CRELD2: variants seen among roughly 807,000 people sequenced by gnomAD.
The protein encoded by CRELD2 is CRELD disulfide isomerase 2.
CRELD2 carries 33 observed loss-of-function variants against 48.1 expected under a neutral mutation model. The ratio of observed to expected loss-of-function variants is 0.69; its 90% CI spans 0.52 to 0.92. The LOEUF is 0.92. Ranked by LOEUF, CRELD2 falls within the 40% of genes least tolerant of loss-of-function variation. The pLI is 0.00. For missense variants in CRELD2, 477 were observed against 482.4 expected (o/e 0.99, Z 0.10); for synonymous variants, 220 against 203.9 (o/e 1.08, Z -0.67).
At chr22:49,921,084 G>A (rs994586644) in intron 4 of CRELD2, among the ~76,000 whole-genome samples, 2 of 152,202 alleles carry the variant, frequency 1.3e-5, no homozygotes, top group Admixed American at 6.5e-5. Flanking sequence ...CACGCCACAC[G>A]CCTAGATGGT....
intron 6 of CRELD2, 134 bp downstream of exon 6, chr22:49,922,841 G>C (rs1404395914): frequency 1.3e-5 from 2 of 154,346 alleles, no homozygotes; most frequent in Non-Finnish European, 2.5e-5. Flanking sequence ...GGCGTGAGGT[G>C]GGGGCGTGAG....
rs1802519771 is a variant in CRELD2 at position 49,922,688 on chromosome 22, G to A, written c.669G>A (p.Leu223=). ...DCGECEVGWV[L]DEGACVDVDE... The stretch of plus-strand genomic sequence containing the variant: ...GCGAGTGTGAAGTGGGCTGGGTGCT[G>A]GACGAGGGCGCCTGTGTGGGTGAGG... The change falls in exon 6 of 10, where the codon CTG becomes CTA. Residue 223 remains leucine, a synonymous_variant. Coordinates refer to ENST00000328268, the MANE Select transcript of CRELD2 (RefSeq NM_024324.5). 1 of 1,549,844 alleles carries A rather than the reference G, an allele frequency of 6.5e-7. No homozygotes were observed. The highest frequency in any genetic ancestry group is 8.7e-7 in the Non-Finnish European group (1 of 1,150,018).
At position 49,924,859 on chromosome 22, in the gene CRELD2, G is replaced by C. The variant is rs538362599; in HGVS notation, c.868+404G>C. 2.5e-3 allele frequency: 431 copies of C among 171,934 alleles called. 1 individual carries two copies. Among genetic ancestry groups the C allele is most frequent in the Non-Finnish European group, 3.7e-3 (293 of 79,646 alleles). 10.7% of individuals were successfully genotyped at this position (171,934 alleles called of 1,614,324 possible). ...GAGAAAGTGGGTTTCCTGGGCAGGC[G>C]CCATGGTTCATGCCTGTAATCCAGC... On this transcript the variant is annotated intron_variant, in intron 8 of 9. Transcript: ENST00000328268.
intron 4 of CRELD2, among the ~76,000 whole-genome samples, 156 bp downstream of exon 4, chr22:49,920,403 C>T (rs542222480): frequency 4.6e-5 from 7 of 152,344 alleles, no homozygotes; most frequent in Non-Finnish European, 8.8e-5. Context: ...ATCCCCAACA[C>T]AGCTTGGAGC....
In CRELD2 at chr22:49,922,653, A is replaced by G. The variant is rs202024363; in HGVS notation, c.634A>G (p.Arg212Gly). 336 of 1,570,272 alleles carry G rather than the reference A, an allele frequency of 2.1e-4. No homozygotes were observed. The highest frequency in any genetic ancestry group is 2.5e-4 in the Non-Finnish European group (286 of 1,158,646). ...CAAGACGTGCTCGGGCCTGACCAACAGAGACTGCGGCGAGTGTGAAGTGGG... is the reference window on the plus strand; with the variant it reads ...CAAGACGTGCTCGGGCCTGACCAACGGAGACTGCGGCGAGTGTGAAGTGGG... ...SCKTCSGLTN[R>G]DCGECEVGWV... Residue 212 changes from arginine (R) to glycine (G), a missense_variant, in exon 6 of 10, where the codon AGA becomes GGA. Transcript: ENST00000328268.
chr22:49,922,646 G>T lies in CRELD2; in HGVS notation c.627G>T (p.Leu209=). The T allele has an allele frequency of 6.4e-7, 1 of 1,571,862 alleles. No individual in the cohort carries two copies. Among genetic ancestry groups the T allele is most frequent in the Non-Finnish European group, 8.6e-7 (1 of 1,158,526 alleles). Residue 209 remains leucine (L), a synonymous_variant, in exon 6 of 10, where the codon CTG becomes CTT. Transcript: ENST00000328268. The stretch of plus-strand genomic sequence containing the variant: ...AGTCCTGCAAGACGTGCTCGGGCCT[G>T]ACCAACAGAGACTGCGGCGAGTGTG... ...CDESCKTCSG[L]TNRDCGECEV...
At chr22:49,925,113 A>G (rs1046661823) in intron 8 of CRELD2, 8 of 207,072 alleles carry the variant, frequency 3.9e-5, no homozygotes, top group Non-Finnish European at 5.9e-5. Flanking sequence ...CCTGGGCGAC[A>G]GAGCGAGACT....
intron 5 of CRELD2, 139 bp downstream of exon 5, chr22:49,921,900 G>A: frequency 1.2e-6 from 1 of 854,524 alleles, no homozygotes; most frequent in Non-Finnish European, 1.8e-6. Flanking sequence ...GGGCCCAGAA[G>A]GATGAATGAA....
At chr22:49,925,662 A>G in intron 9 of CRELD2, 105 bp downstream of exon 9, 1 of 1,562,100 alleles carries the variant, frequency 6.4e-7, no homozygotes, top group Non-Finnish European at 8.6e-7. Context: ...GGTGGCCTTG[A>G]GATGGTGAGA....
intron 4 of CRELD2, among the ~76,000 whole-genome samples, chr22:49,921,002 C>A (rs958272714): frequency 6.6e-6 from 1 of 152,244 alleles, no homozygotes; most frequent in Admixed American, 6.5e-5. Flanking sequence ...AACGACCAGG[C>A]GTGTTCTGAG....
chr22:49,924,719 C>A, intron 8 of CRELD2: 1 of 292,452 alleles, frequency 3.4e-6, no homozygotes, highest in Non-Finnish European at 6.6e-6. Flanking sequence ...TTCCCCAGGT[C>A]CACCGCCTCT....
rs759098096 is a variant in CRELD2, at chr22:49,922,619, C to T, written c.600C>T (p.Asp200=). The part of the protein sequence containing the change: ...NETHSICTAC[D]ESCKTCSGLT... ...CCCGCCTTTGCCTTCCAGCCTGTGA[C>T]GAGTCCTGCAAGACGTGCTCGGGCC... Residue 200 remains aspartate, a synonymous_variant, in exon 6 of 10, where the codon GAC becomes GAT. Coordinates refer to ENST00000328268, the MANE Select transcript of CRELD2 (RefSeq NM_024324.5). 35 of 1,556,164 alleles carry T rather than the reference C, an allele frequency of 2.2e-5. No individual in the cohort carries two copies. Among genetic ancestry groups the T allele is most frequent in the South Asian group, 7.0e-5 (6 of 85,118 alleles).
At position 49,924,300 on chromosome 22, in the gene CRELD2, G is replaced by T. The variant is rs182162003; in HGVS notation, c.773-60G>T. On this transcript the variant is annotated intron_variant, in intron 7 of 9. Coordinates refer to ENST00000328268, the MANE Select transcript of CRELD2 (RefSeq NM_024324.5). Reference sequence around the variant, plus strand: ...GGCACCGGTGCCTTGTGCATGTCGGGGTCTGACGGGCACTGGTGCCTTGTG... The same window carrying T: ...GGCACCGGTGCCTTGTGCATGTCGGTGTCTGACGGGCACTGGTGCCTTGTG... 86 of 1,257,590 alleles carry T rather than the reference G, an allele frequency of 6.8e-5. 1 individual carries two copies. The East Asian group carries it at 1.7e-3, about 25-fold the overall frequency. The allele number at this position is 1,257,590 out of a possible 1,614,324, so 77.9% of individuals were successfully genotyped here.
At chr22:49,922,190 C>T (rs2060694992) in intron 5 of CRELD2, 3 of 1,269,522 alleles carry the variant, frequency 2.4e-6, no homozygotes, top group Non-Finnish European at 3.2e-6. Context: ...CTGAGTGTCT[C>T]GGACGTGAGT....
At chr22:49,924,563 C>T (rs558611513) in intron 8 of CRELD2, 108 bp downstream of exon 8, 1 of 760,634 alleles carries the variant, frequency 1.3e-6, no homozygotes, top group South Asian at 1.8e-5. Context: ...GAGACCCGTC[C>T]TGCAGACGTG....
At chr22:49,922,491 C>G (rs373829648) in intron 5 of CRELD2, 121 bp from the exon 6 acceptor site, 1 of 1,525,084 alleles carries the variant, frequency 6.6e-7, no homozygotes, top group Non-Finnish European at 8.9e-7. Context: ...ATTTTAAATT[C>G]ATGGGCACTG....
At chr22:49,919,005 G>A in intron 1 of CRELD2, 107 bp downstream of exon 1, 1 of 1,024,960 alleles carries the variant, frequency 9.8e-7, no homozygotes, top group Non-Finnish European at 1.4e-6. Context: ...CCCTGGATCC[G>A]GGGTCCCCCT....
chr22:49,926,406 A>G (rs2060764338), intron 9 of CRELD2: 1 of 152,254 alleles, frequency 6.6e-6, no homozygotes, highest in East Asian at 1.9e-4. Flanking sequence ...GGTTTTTCAG[A>G]ATGAATAAGG....
rs141565628 is a variant in CRELD2 at position 49,924,754 on chromosome 22, C to T, written c.868+299C>T. On this transcript the variant is annotated intron_variant, in intron 8 of 9. Transcript: ENST00000328268. ...TGCTCTCCCTCCAGCTCCTGGGTGG[C>T]GATTGCCCCGAGGCTTAAGTCCAGG... 1,270 of 244,584 alleles carry T rather than the reference C, an allele frequency of 5.2e-3. 8 individuals are homozygous for T. The highest frequency in any genetic ancestry group is 0.012 in the South Asian group (220 of 17,878). 15.2% of individuals were successfully genotyped at this position (244,584 alleles called of 1,614,324 possible). A position where few individuals can be genotyped will look rare whatever the true frequency, so the allele number is the denominator to read the frequency against.
Sources: gnomAD v4.1 joint callset for allele counts (sites outside exome capture counted in the v4.1 genomes callset) on GRCh38, gnomAD v4.1.1 for gene constraint, MANE v1.5 for transcripts, NCBI Gene and HGNC (gene_info 2026-07-23, HGNC 2026-07-21) for gene names.